Variants in CD1A observed in about 807,000 individuals in gnomAD.
CD1A encodes CD1a molecule, also known as T-cell surface glycoprotein CD1a.
A neutral mutation model predicts 38.3 loss-of-function variants in CD1A; 50 were observed. The observed-to-expected ratio is 1.30, with a 90% confidence interval of 1.04 to 1.65. The LOEUF (loss-of-function observed/expected upper bound fraction) is 1.65, where lower values mean the gene tolerates loss of function less well. CD1A is among the 40% of genes most tolerant of loss of function. The pLI, the probability that CD1A is intolerant of heterozygous loss-of-function variation, is 0.00. For synonymous variants in CD1A, 160 were observed against 150.8 expected (o/e 1.06, Z -0.45); for missense variants, 459 against 406.1 (o/e 1.13, Z -1.12).
At position 158,256,122 on chromosome 1, in the gene CD1A, G is replaced by A. The variant is rs779725639; in HGVS notation, c.444G>A (p.Trp148Ter). 8.1e-6 allele frequency: 13 copies of A among 1,613,982 alleles called. No individual in the cohort carries two copies. The highest frequency in any genetic ancestry group is 1.6e-4 in the Middle Eastern group (1 of 6,084). Residue 148 changes from tryptophan to a stop codon, truncating the protein, a stop_gained, in exon 3 of 6, where the codon TGG (tryptophan) becomes TGA (stop). Transcript: ENST00000289429. LOFTEE classifies it high-confidence loss of function. Reference sequence around the variant, plus strand: ...TTGTGAGCTTCCAGAACAATTCATGGTTGCCATATCCAGTGGCTGGGAATA... The same window carrying A: ...TTGTGAGCTTCCAGAACAATTCATGATTGCCATATCCAGTGGCTGGGAATA... The part of the protein sequence containing the change: ...SDFVSFQNNS[W>*]LPYPVAGNMA...
Position 158,256,030 on chromosome 1 carries a change from G to A in CD1A, c.352G>A (p.Gly118Ser), listed in dbSNP as rs1231321071. Reference protein sequence around the residue: ...EYPFEIQVTGGCELHSGKVSG... With the variant: ...EYPFEIQVTGSCELHSGKVSG... ...TCCTTTTGAGATACAGGTGACAGGAGGCTGTGAGCTGCACTCTGGAAAGGT... is the reference window on the plus strand; with the variant it reads ...TCCTTTTGAGATACAGGTGACAGGAAGCTGTGAGCTGCACTCTGGAAAGGT... Residue 118 changes from glycine (G) to serine (S), a missense_variant, in exon 3 of 6, where the codon GGC becomes AGC. Gly to Ser is a moderately conservative substitution (Grantham distance 56). Coordinates refer to ENST00000289429, the MANE Select transcript of CD1A (RefSeq NM_001763.3). 1.9e-6 allele frequency: 3 copies of A among 1,613,942 alleles called. No individual in the cohort carries two copies. In the South Asian group the frequency reaches 3.3e-5, roughly 18 times the overall value.
chr1:158,249,352 C>A, the CD1A span, among the ~76,000 whole-genome samples: 2 of 152,144 alleles, frequency 1.3e-5, no homozygotes, highest in South Asian at 2.1e-4. Flanking sequence ...AAGGAAGATT[C>A]AGTGTCTAGT....
At chr1:158,252,788 C>T (rs2101628878), upstream of CD1A, among the ~76,000 whole-genome samples, 1 of 152,240 alleles carries the variant, frequency 6.6e-6, no homozygotes, top group East Asian at 1.9e-4. Context: ...ATCCCAGTTA[C>T]TTGCAAAACC....
intron 1 of CD1A, 122 bp downstream of exon 1, chr1:158,254,849 A>C: frequency 4.3e-6 from 4 of 931,930 alleles, no homozygotes; most frequent in Non-Finnish European, 6.9e-6. Context: ...CCTAGCATAT[A>C]CCTGGAAAGT....
rs3832018 is a variant in CD1A, at chr1:158,254,769, GTC to G, written c.58+58_58+59del. ...CTGCCCAGTTGGGTGGTGGGTGAAGGTCTCTCTCTCTCTCTCTGTGTGTGTGT... is the reference window on the plus strand; with the variant it reads ...CTGCCCAGTTGGGTGGTGGGTGAAGGTCTCTCTCTCTCTCTGTGTGTGTGT... On this transcript the variant is annotated intron_variant, in intron 1 of 5. Coordinates refer to ENST00000289429, the MANE Select transcript of CD1A (RefSeq NM_001763.3). 977 of 1,167,782 alleles carry G rather than the reference GTC, an allele frequency of 8.4e-4. 3 individuals are homozygous for G. Among genetic ancestry groups the G allele is most frequent in the Non-Finnish European group, 9.9e-4 (776 of 783,104 alleles). The allele number at this position is 1,167,782 out of a possible 1,614,324, so 72.3% of individuals were successfully genotyped here.
In CD1A at chr1:158,256,835, T is replaced by C. The variant is rs759486321; in HGVS notation, c.654T>C (p.His218=). 6.2e-7 allele frequency: 1 copy of C among 1,614,234 alleles called. No individual in the cohort carries two copies. The change falls in exon 4 of 6, where the codon CAT becomes CAC. Residue 218 remains histidine (H), a synonymous_variant. Transcript: ENST00000289429. ...ATGGCCCCAGTCCTGGCCCTGGCCA[T>C]CTGCAGCTTGTGTGCCATGTCTCAG... The part of the protein sequence containing the change: ...LSHGPSPGPG[H]LQLVCHVSGF...
intron 2 of CD1A, 38 bp from the exon 3 acceptor site, chr1:158,255,966 A>AT (rs753262992): frequency 4.1e-5 from 64 of 1,575,594 alleles, no homozygotes; most frequent in Non-Finnish European, 5.0e-5. Context: ...TTCATTTTAT[A>AT]TTTTTTTCTC....
chr1:158,255,418 C>T, intron 2 of CD1A, 68 bp downstream of exon 2: 2 of 1,480,128 alleles, frequency 1.4e-6, no homozygotes, highest in South Asian at 2.4e-5. Context: ...GTTTCTTATT[C>T]CTTTAGGAAA....
chr1:158,252,917 C>A (rs1237476315), upstream of CD1A, among the ~76,000 whole-genome samples: 1 of 150,856 alleles, frequency 6.6e-6, no homozygotes, highest in Non-Finnish European at 1.5e-5. Context: ...CAAAACAAAA[C>A]AAAACAAAAA....
upstream of CD1A, chr1:158,254,218 A>G (rs1014349725): frequency 2.0e-6 from 2 of 1,017,974 alleles, no homozygotes; most frequent in Non-Finnish European, 2.4e-6. Flanking sequence ...CTGAAGAGAC[A>G]GGGGAAGAGA....
At chr1:158,249,185 G>A in the CD1A span, among the ~76,000 whole-genome samples, 10 of 152,080 alleles carry the variant, frequency 6.6e-5, no homozygotes, top group African/African-American at 2.2e-4. Context: ...CATATTCAAC[G>A]GTGTAGGCCA....
upstream of CD1A, among the ~76,000 whole-genome samples, chr1:158,251,090 A>T (rs894122748): frequency 2.0e-5 from 3 of 152,170 alleles, no homozygotes. Flanking sequence ...TATATTTTGT[A>T]TGTTATATGT....
chr1:158,258,195 T>C lies in CD1A; in HGVS notation c.*505T>C, dbSNP rs41273483. 6.5e-6 allele frequency: 1 copy of C among 154,666 alleles called. No individual in the cohort carries two copies. The highest frequency in any genetic ancestry group is 1.4e-5 in the Non-Finnish European group (1 of 69,456). The allele number at this position is 154,666 out of a possible 1,614,324, so 9.6% of individuals were successfully genotyped here. On this transcript the variant is annotated 3_prime_UTR_variant, in exon 6 of 6. Transcript: ENST00000289429. Reference sequence around the variant, plus strand: ...ATGCAAAGTACATGTATTTTTAATATATGCATCCCTGGTGAAGGATCTTGC... The same window carrying C: ...ATGCAAAGTACATGTATTTTTAATACATGCATCCCTGGTGAAGGATCTTGC...
rs189306088 is a variant in CD1A at position 158,256,254 on chromosome 1, T to C, written c.576T>C (p.Asp192=). 2 of 1,614,120 alleles carry C rather than the reference T, an allele frequency of 1.2e-6. No individual in the cohort carries two copies. Among genetic ancestry groups the C allele is most frequent in the East Asian group, 2.2e-5 (1 of 44,886 alleles). ...CACGTTTCATCTTGGGTCTTCTTGA[T>C]GCAGGAAAGGCACATCTCCAGCGGC... is the stretch of plus-strand genomic sequence containing the variant. ...TCPRFILGLL[D]AGKAHLQRQV... is the part of the protein sequence containing the mutation. The change falls in exon 3 of 6, where the codon GAT becomes GAC. Residue 192 remains aspartate (D), a synonymous_variant. Transcript: ENST00000289429.
Position 158,255,259 on chromosome 1 carries a change from G to A in CD1A, c.234G>A (p.Glu78=). The A allele has an allele frequency of 1.2e-6, 2 of 1,614,188 alleles. No homozygotes were observed. Among genetic ancestry groups the A allele is most frequent in the Non-Finnish European group, 1.7e-6 (2 of 1,180,030 alleles). Residue 78 remains glutamate (E), a synonymous_variant, in exon 2 of 6, where the codon GAG becomes GAA. Transcript: ENST00000289429. ...CPWSRGNFSN[E]EWKELETLFR... is the part of the protein sequence containing the mutation. ...GGTCCAGGGGAAACTTCAGCAATGA[G>A]GAGTGGAAGGAACTGGAAACATTAT...
Position 158,254,638 on chromosome 1 carries a change from T to C in CD1A, c.-32T>C. ...GGAACAGAAATCAAAGACCAATTTT[T>C]CTGAGAGAAGGAAATAACATCTGCA... is the stretch of plus-strand genomic sequence containing the variant. On this transcript the variant is annotated 5_prime_UTR_variant, in exon 1 of 6. Coordinates refer to ENST00000289429, the MANE Select transcript of CD1A (RefSeq NM_001763.3). The C allele has an allele frequency of 6.2e-7, 1 of 1,614,058 alleles. No individual in the cohort carries two copies. The highest frequency in any genetic ancestry group is 8.5e-7 in the Non-Finnish European group (1 of 1,179,972).
At position 158,257,787 on chromosome 1, in the gene CD1A, C is replaced by T. The variant is rs1650311979; in HGVS notation, c.*97C>T. The T allele has an allele frequency of 9.7e-7, 1 of 1,028,638 alleles. No individual in the cohort carries two copies. Among genetic ancestry groups the T allele is most frequent in the Non-Finnish European group, 1.5e-6 (1 of 666,342 alleles). 63.7% of individuals were successfully genotyped at this position (1,028,638 alleles called of 1,614,324 possible). ...ACACCTGAACACATCGTGATGATGACGTCCTCTCAACTCTCTTTGTAAAAA... is the reference window on the plus strand; with the variant it reads ...ACACCTGAACACATCGTGATGATGATGTCCTCTCAACTCTCTTTGTAAAAA... On this transcript the variant is annotated 3_prime_UTR_variant, in exon 6 of 6. Coordinates refer to ENST00000289429, the MANE Select transcript of CD1A (RefSeq NM_001763.3).
intron 2 of CD1A, among the ~76,000 whole-genome samples, chr1:158,255,781 A>G (rs1650238270): frequency 6.6e-6 from 1 of 152,092 alleles, no homozygotes; most frequent in African/African-American, 2.4e-5. Context: ...CACAGCATTC[A>G]CATCACCTTC....
rs1489878465 is a variant in CD1A at position 158,254,662 on chromosome 1, C to T, written c.-8C>T. On this transcript the variant is annotated 5_prime_UTR_variant, in exon 1 of 6. Coordinates refer to ENST00000289429, the MANE Select transcript of CD1A (RefSeq NM_001763.3). ...TTCTGAGAGAAGGAAATAACATCTG[C>T]AAATGATATGCTGTTTTTGCTACTT... 15 of 1,614,036 alleles carry T rather than the reference C, an allele frequency of 9.3e-6. No homozygotes were observed. Among genetic ancestry groups the T allele is most frequent in the Non-Finnish European group, 1.3e-5 (15 of 1,179,976 alleles).
Sources: allele counts gnomAD v4.1 joint callset (sites outside exome capture counted in the v4.1 genomes callset), GRCh38; gene constraint gnomAD v4.1.1; transcripts MANE v1.5; gene names NCBI Gene and HGNC (gene_info 2026-07-23, HGNC 2026-07-21).